Variants in CMC2 observed in about 807,000 individuals in gnomAD.
CMC2 encodes the protein C-X9-C motif containing 2.
A neutral mutation model predicts 7.5 loss-of-function variants in CMC2; 5 were observed. The ratio of observed to expected loss-of-function variants is 0.66; its 90% CI spans 0.35 to 1.40. The LOEUF (loss-of-function observed/expected upper bound fraction) is 1.40. Among genes scored for constraint, CMC2 ranks in the 40% most tolerant of loss-of-function variants. The probability of loss-of-function intolerance (pLI) is 0.04; values close to 1 mark genes in which losing one functional copy is unlikely to be tolerated. For synonymous variants in CMC2, 37 were observed against 31.4 expected (o/e 1.18, Z -0.60); for missense variants, 115 against 92.3 (o/e 1.25, Z -1.01).
At chr16:80,992,074 C>A (rs1968042433) in intron 2 of CMC2, 4 of 376,806 alleles carry the variant, frequency 1.1e-5, no homozygotes, top group South Asian at 8.0e-5. Context: ...AACACCTTAT[C>A]AATGTAAGAT....
At position 80,967,074 on chromosome 16, in the gene CMC2, C is replaced by T. The variant is rs1911605472; in HGVS notation, c.*9019G>A. The T allele has an allele frequency of 2.0e-5, 3 of 152,180 alleles. No individual in the cohort carries two copies. The allele number at this position is 152,180 out of a possible 1,614,324, so 9.4% of individuals were successfully genotyped here. On this transcript the variant is annotated 3_prime_UTR_variant, in exon 4 of 4. Coordinates refer to ENST00000219400, the MANE Select transcript of CMC2 (RefSeq NM_020188.5). ...AAAATTCATTCATTCAGTGAAAAAGCATTTATTGAATACCAATTATGTGTT... is the reference window on the plus strand; with the variant it reads ...AAAATTCATTCATTCAGTGAAAAAGTATTTATTGAATACCAATTATGTGTT...
At chr16:81,006,321 T>C (rs1014613772) in intron 1 of CMC2, among the ~76,000 whole-genome samples, 1 of 152,220 alleles carries the variant, frequency 6.6e-6, no homozygotes, top group African/African-American at 2.4e-5. Flanking sequence ...AAATTCTCAA[T>C]TGCTAGATAA....
intron 3 of CMC2, among the ~76,000 whole-genome samples, chr16:80,976,428 T>C (rs1195449817): frequency 6.6e-6 from 1 of 152,234 alleles, no homozygotes; most frequent in Non-Finnish European, 1.5e-5. Context: ...AGCATCTACA[T>C]GCTAATAGAT....
chr16:81,006,746 C>T lies in CMC2; in HGVS notation c.-48G>A, dbSNP rs948013022. 3.0e-6 allele frequency: 3 copies of T among 985,650 alleles called. No individual in the cohort carries two copies. The highest frequency in any genetic ancestry group is 5.2e-4 in the Middle Eastern group (1 of 1,916). 61.1% of individuals were successfully genotyped at this position (985,650 alleles called of 1,614,324 possible). A position where few individuals can be genotyped will look rare whatever the true frequency, so the allele number is the denominator to read the frequency against. ...TCCCGAGACTCACCCGACTCGTGGC[C>T]ACACCGGGAGAACTGAAGCGGCAGT... On this transcript the variant is annotated 5_prime_UTR_variant, in exon 1 of 4. Transcript: ENST00000219400.
chr16:81,000,176 C>T (rs1968748911), intron 1 of CMC2, among the ~76,000 whole-genome samples: 1 of 152,096 alleles, frequency 6.6e-6, no homozygotes, highest in Non-Finnish European at 1.5e-5. Context: ...ATTAATTCAA[C>T]AAGTAAAAAA....
rs554947683 is a variant in CMC2 at position 80,979,699 on chromosome 16, C to T, written c.153+2107G>A. Among the ~76,000 whole-genome samples the T allele has an allele frequency of 2.0e-5, 3 of 152,162 alleles. No homozygotes were observed. In the South Asian group the frequency reaches 6.2e-4, roughly 32 times the overall value. On this transcript the variant is annotated intron_variant, in intron 3 of 3. Coordinates refer to ENST00000219400, the MANE Select transcript of CMC2 (RefSeq NM_020188.5). ...GCAGTAATGTGATCTGGGCTCACCG[C>T]AACCTCCGTCTCCCAGGCTCAAGTT...
Position 80,981,849 on chromosome 16 carries a change from C to T in CMC2, c.110G>A (p.Cys37Tyr). ...TCTCAACTCCCGATCAACATCATTACAATAACCAAAAAATTTCAGAATGTT... is the reference window on the plus strand; with the variant it reads ...TCTCAACTCCCGATCAACATCATTATAATAACCAAAAAATTTCAGAATGTT... ...NHNILKFFGY[C>Y]NDVDRELRKC... The change falls in exon 3 of 4, where the codon TGT (cysteine) becomes TAT (tyrosine). Residue 37 changes from cysteine to tyrosine, a missense_variant. Transcript: ENST00000219400. 6.2e-7 allele frequency: 1 copy of T among 1,610,132 alleles called. No individual in the cohort carries two copies. The highest frequency in any genetic ancestry group is 8.5e-7 in the Non-Finnish European group (1 of 1,177,756).
At chr16:80,994,432 TAA>T (rs33941831) in intron 2 of CMC2, among the ~76,000 whole-genome samples, 19,959 of 149,302 alleles carry the variant, frequency 0.13, 2,162 homozygotes, top group African/African-American at 0.29. Flanking sequence ...CTAAAGGAAG[TAA>T]AAAAAAAAAA....
intron 1 of CMC2, chr16:81,001,248 C>T (rs1237255250): frequency 2.6e-5 from 4 of 152,212 alleles, no homozygotes; most frequent in Non-Finnish European, 4.4e-5. Context: ...GCTCACTTAC[C>T]TGCATGATGG....
chr16:80,976,237 G>A (rs1432094662), intron 3 of CMC2, 58 bp from the exon 4 acceptor site: 2 of 911,472 alleles, frequency 2.2e-6, no homozygotes, highest in Non-Finnish European at 3.4e-6. Context: ...ACTATTTATA[G>A]CAGTTTACTA....
intron 3 of CMC2, 89 bp from the exon 4 acceptor site, chr16:80,976,268 A>C: frequency 1.4e-6 from 1 of 695,246 alleles, no homozygotes; most frequent in East Asian, 2.8e-5. Flanking sequence ...TTTGCAAAAT[A>C]TAAATGTCCT....
At chr16:80,983,291 G>A (rs925201678) in intron 2 of CMC2, 9 of 152,178 alleles carry the variant, frequency 5.9e-5, no homozygotes, top group Non-Finnish European at 7.3e-5. Context: ...TCAGTGCCCC[G>A]AACTTCCAAG....
chr16:80,987,434 T>C (rs545119680), intron 2 of CMC2, among the ~76,000 whole-genome samples: 6 of 152,336 alleles, frequency 3.9e-5, no homozygotes, highest in African/African-American at 1.4e-4. Flanking sequence ...CTATCTAAAA[T>C]GATATGTATT....
At chr16:80,976,303 T>A in intron 3 of CMC2, 124 bp from the exon 4 acceptor site, 1 of 585,938 alleles carries the variant, frequency 1.7e-6, no homozygotes, top group Non-Finnish European at 3.0e-6. Context: ...GTTTAAATTT[T>A]TTAAACATGT....
chr16:80,997,157 A>T (rs991167998), intron 2 of CMC2, 157 bp downstream of exon 2: 2 of 613,500 alleles, frequency 3.3e-6, no homozygotes, highest in African/African-American at 3.7e-5. Context: ...TGTAAAAAAA[A>T]GAAAAAAATC....
intron 2 of CMC2, chr16:80,996,904 T>C (rs1249303594): frequency 8.6e-6 from 3 of 348,446 alleles, no homozygotes; most frequent in Non-Finnish European, 1.7e-5. Context: ...TGTCTAATTA[T>C]ATAACACGTT....
In CMC2 at chr16:80,969,038, G is replaced by A. The variant is rs1321194722; in HGVS notation, c.*7055C>T. The A allele has an allele frequency of 6.6e-6, 1 of 152,198 alleles. No homozygotes were observed. Among genetic ancestry groups the A allele is most frequent in the East Asian group, 1.9e-4 (1 of 5,194 alleles). The allele number at this position is 152,198 out of a possible 1,614,324, so 9.4% of individuals were successfully genotyped here. On this transcript the variant is annotated 3_prime_UTR_variant, in exon 4 of 4. Coordinates refer to ENST00000219400, the MANE Select transcript of CMC2 (RefSeq NM_020188.5). ...GTAAGGCCAGTGTGACTCACCTTGGGCTCTGAGCAGAAAAAATATGTTTCC... is the reference window on the plus strand; with the variant it reads ...GTAAGGCCAGTGTGACTCACCTTGGACTCTGAGCAGAAAAAATATGTTTCC...
At chr16:80,985,675 G>A (rs375513709) in intron 2 of CMC2, among the ~76,000 whole-genome samples, 5 of 151,974 alleles carry the variant, frequency 3.3e-5, no homozygotes, top group East Asian at 1.9e-4. Context: ...GAACTGCCAC[G>A]AAGGAGAAAA....
rs975645853 is a variant in CMC2 at position 80,971,630 on chromosome 16, G to C, written c.*4463C>G. ...TATATATGTATGAAATCATGCATGA[G>C]AATGAAATATATCAAAGTCAGGGTA... is the stretch of plus-strand genomic sequence containing the variant. On this transcript the variant is annotated 3_prime_UTR_variant, in exon 4 of 4. Transcript: ENST00000219400. The C allele has an allele frequency of 5.8e-5, 8 of 137,720 alleles. No homozygotes were observed. The South Asian group carries it at 1.7e-3, about 30-fold the overall frequency. The allele number at this position is 137,720 out of a possible 1,614,324, so 8.5% of individuals were successfully genotyped here.
Sources: allele counts gnomAD v4.1 joint callset (sites outside exome capture counted in the v4.1 genomes callset), GRCh38; gene constraint gnomAD v4.1.1; transcripts MANE v1.5; gene names NCBI Gene and HGNC (gene_info 2026-07-23, HGNC 2026-07-21).